The following CHFR variants were observed in gnomAD, a reference collection of about 807,000 sequenced individuals.
The protein encoded by CHFR is checkpoint with forkhead and ring finger domains.
In CHFR, 57 loss-of-function variants were observed where a neutral mutation model predicts 87.6. That is an observed-to-expected ratio of 0.65 (90% confidence interval 0.53 to 0.81). The LOEUF is 0.81. Ranked by LOEUF, CHFR falls within the 30% of genes least tolerant of loss-of-function variation. The pLI, the probability that CHFR is intolerant of heterozygous loss-of-function variation, is 0.00. For synonymous variants in CHFR, 381 were observed against 359.2 expected, an observed-to-expected ratio of 1.06 and a Z score of -0.69; for missense variants, 797 against 865.8, an observed-to-expected ratio of 0.92 and a Z score of 1.00.
rs1056750105 is a variant in CHFR, at chr12:132,859,058, A to G, written c.911+10T>C. ...CATGTTCCGTGAGCCAAGGGTGAACACGGTCGCACCTCACGCAGTCGTGCA... is the reference window on the plus strand; with the variant it reads ...CATGTTCCGTGAGCCAAGGGTGAACGCGGTCGCACCTCACGCAGTCGTGCA... On this transcript the variant is annotated intron_variant, in intron 8 of 17. Transcript: ENST00000450056. The G allele has an allele frequency of 4.3e-6, 7 of 1,610,362 alleles. No individual in the cohort carries two copies. The highest frequency in any genetic ancestry group is 5.9e-6 in the Non-Finnish European group (7 of 1,177,856).
At chr12:132,848,569 T>C in intron 13 of CHFR, 72 bp downstream of exon 13, 1 of 1,179,902 alleles carries the variant, frequency 8.5e-7, no homozygotes. Flanking sequence ...GACCCCACCA[T>C]CCCCTGCCCT....
At chr12:132,856,381 G>C in intron 10 of CHFR, 87 bp downstream of exon 10, 7 of 1,416,190 alleles carry the variant, frequency 4.9e-6, no homozygotes, top group Non-Finnish European at 6.9e-6. Context: ...CAGGACCCAT[G>C]CTGTCCACCC....
intron 7 of CHFR, among the ~76,000 whole-genome samples, chr12:132,859,816 C>T (rs1368593532): frequency 6.6e-6 from 1 of 151,996 alleles, no homozygotes; most frequent in African/African-American, 2.4e-5. Context: ...CTGAGGTGGG[C>T]AGATCGCTTG....
chr12:132,853,675 G>A (rs1950998937), intron 10 of CHFR, 102 bp from the exon 11 acceptor site: 6 of 1,344,876 alleles, frequency 4.5e-6, no homozygotes, highest in Non-Finnish European at 5.9e-6. Flanking sequence ...CTCCACCGTC[G>A]CTCAGCTGCT....
At chr12:132,852,118 G>A (rs569754513) in intron 11 of CHFR, among the ~76,000 whole-genome samples, 3 of 151,814 alleles carry the variant, frequency 2.0e-5, no homozygotes, top group Admixed American at 1.3e-4. Flanking sequence ...CGAGTAGCTG[G>A]GACTACAGGT....
intron 6 of CHFR, among the ~76,000 whole-genome samples, chr12:132,869,348 A>T (rs1951432503): frequency 6.6e-6 from 1 of 152,112 alleles, no homozygotes; most frequent in African/African-American, 2.4e-5. Flanking sequence ...AATCCACTGA[A>T]ATGTACACTT....
At position 132,834,815 on chromosome 12, in the gene CHFR, A is replaced by G. The variant is rs1173991596; in HGVS notation, c.*6739T>C. 1 of 149,488 alleles carries G rather than the reference A, an allele frequency of 6.7e-6. No homozygotes were observed. The highest frequency in any genetic ancestry group is 1.5e-5 in the Non-Finnish European group (1 of 67,840). The allele number at this position is 149,488 out of a possible 1,614,324, so 9.3% of individuals were successfully genotyped here. On this transcript the variant is annotated 3_prime_UTR_variant, in exon 18 of 18. Coordinates refer to ENST00000450056, the MANE Select transcript of CHFR (RefSeq NM_001161346.2). ...ACTGCAAGCTCCGCCTCCCGGGTTCAAGCCATTCTCCTGCCTCAGCCTCCC... is the reference window on the plus strand; with the variant it reads ...ACTGCAAGCTCCGCCTCCCGGGTTCGAGCCATTCTCCTGCCTCAGCCTCCC...
intron 2 of CHFR, among the ~76,000 whole-genome samples, chr12:132,881,006 C>G (rs1398754176): frequency 5.9e-5 from 9 of 151,654 alleles, no homozygotes; most frequent in Non-Finnish European, 1.3e-4. Flanking sequence ...GTGGTTCACG[C>G]CTATAATCCC....
At chr12:132,862,014 C>T (rs971829261) in intron 6 of CHFR, 3 of 212,544 alleles carry the variant, frequency 1.4e-5, no homozygotes, top group South Asian at 7.0e-5. Flanking sequence ...GGCTCACACC[C>T]GTAATCCCAG....
At chr12:132,887,377 A>AC in intron 1 of CHFR, 37 bp from the exon 2 acceptor site, 5 of 1,264,884 alleles carry the variant, frequency 4.0e-6, no homozygotes, top group Non-Finnish European at 5.0e-6. Flanking sequence ...GAGACTCCCG[A>AC]CCCCAGAGGC....
intron 3 of CHFR, among the ~76,000 whole-genome samples, chr12:132,877,128 C>A (rs188455393): frequency 6.6e-6 from 1 of 152,104 alleles, no homozygotes; most frequent in Admixed American, 6.6e-5. Flanking sequence ...GACGCATATA[C>A]GATAGGAGTC....
chr12:132,841,881 C>T (rs969425320), intron 17 of CHFR, among the ~76,000 whole-genome samples: 4 of 151,958 alleles, frequency 2.6e-5, no homozygotes, highest in East Asian at 1.9e-4. Context: ...CCGAGGCGGG[C>T]GGATCACTTG....
In CHFR at chr12:132,839,542, ACTAACTCAGG is replaced by A. The variant is rs1950675094; in HGVS notation, c.*2002_*2011del. 8.3e-6 allele frequency: 1 copy of A among 120,718 alleles called. No homozygotes were observed. The highest frequency in any genetic ancestry group is 1.6e-5 in the Non-Finnish European group (1 of 62,642). 7.5% of individuals were successfully genotyped at this position (120,718 alleles called of 1,614,324 possible). A position where few individuals can be genotyped will look rare whatever the true frequency, so the allele number is the denominator to read the frequency against. ...CCTCCCCTCTCGGCCTCACCCCCGCACTAACTCAGGACCTCCCCTCTTGGCCTCACCCCTG... is the reference window on the plus strand; with the variant it reads ...CCTCCCCTCTCGGCCTCACCCCCGCAACCTCCCCTCTTGGCCTCACCCCTG... On this transcript the variant is annotated 3_prime_UTR_variant, in exon 18 of 18. Coordinates refer to ENST00000450056, the MANE Select transcript of CHFR (RefSeq NM_001161346.2).
At position 132,835,169 on chromosome 12, in the gene CHFR, G is replaced by A. The variant is rs371013975; in HGVS notation, c.*6385C>T. 8 of 152,270 alleles carry A rather than the reference G, an allele frequency of 5.3e-5. No individual in the cohort carries two copies. In the East Asian group the frequency reaches 9.6e-4, roughly 18 times the overall value. 9.4% of individuals were successfully genotyped at this position (152,270 alleles called of 1,614,324 possible). ...AACATCATCACAGGCTCAAGTGATC[G>A]GATACGGGTATCTGTGGTGGCGGGA... On this transcript the variant is annotated 3_prime_UTR_variant, in exon 18 of 18. Coordinates refer to ENST00000450056, the MANE Select transcript of CHFR (RefSeq NM_001161346.2).
In CHFR at chr12:132,840,655, G is replaced by T. The variant is rs1359866417; in HGVS notation, c.*899C>A. On this transcript the variant is annotated 3_prime_UTR_variant, in exon 18 of 18. Transcript: ENST00000450056. Reference sequence around the variant, plus strand: ...TGTAGGGTCTTGGAGGAAGGGCCCGGGCAGCATGAGGGAGCGGCGCGTCCT... The same window carrying T: ...TGTAGGGTCTTGGAGGAAGGGCCCGTGCAGCATGAGGGAGCGGCGCGTCCT... 3.3e-5 allele frequency: 5 copies of T among 152,690 alleles called. No individual in the cohort carries two copies. Among genetic ancestry groups the T allele is most frequent in the African/African-American group, 1.2e-4 (5 of 41,464 alleles). 9.5% of individuals were successfully genotyped at this position (152,690 alleles called of 1,614,324 possible).
At chr12:132,869,941 G>A in intron 5 of CHFR, 143 bp from the exon 6 acceptor site, 1 of 926,534 alleles carries the variant, frequency 1.1e-6, no homozygotes, top group East Asian at 2.6e-5. Flanking sequence ...AGGCACGGTG[G>A]TGCAGGCCTG....
intron 13 of CHFR, 84 bp from the exon 14 acceptor site, chr12:132,848,239 T>C: frequency 6.3e-7 from 1 of 1,593,476 alleles, no homozygotes; most frequent in South Asian, 1.1e-5. Context: ...GATAAACATA[T>C]TTCTTTTCAT....
At chr12:132,845,725 G>C (rs1012198736) in intron 15 of CHFR, among the ~76,000 whole-genome samples, 1 of 152,100 alleles carries the variant, frequency 6.6e-6, no homozygotes, top group Non-Finnish European at 1.5e-5. Context: ...CCCTGGAGAG[G>C]AGTGACCCTC....
Position 132,886,322 on chromosome 12 carries a change from C to CA in CHFR, c.133+873dup, listed in dbSNP as rs1312633377. The stretch of plus-strand genomic sequence containing the variant: ...AAGACTCTTATCTCAAAAAAACAAA[C>CA]AAAAAAACAAAAAAAACCAGGTGCA... On this transcript the variant is annotated intron_variant, in intron 2 of 17. Coordinates refer to ENST00000450056, the MANE Select transcript of CHFR (RefSeq NM_001161346.2). 1.2e-4 allele frequency among the ~76,000 whole-genome samples: 17 copies of CA among 136,880 alleles called. No homozygotes were observed. The East Asian group carries it at 1.3e-3, about 10-fold the overall frequency. 89.8% of individuals were successfully genotyped at this position (136,880 alleles called of 152,430 possible).
Sources: allele counts gnomAD v4.1 joint callset (sites outside exome capture counted in the v4.1 genomes callset), GRCh38; gene constraint gnomAD v4.1.1; transcripts MANE v1.5; gene names NCBI Gene and HGNC (gene_info 2026-07-23, HGNC 2026-07-21).